Variants in UBA7 observed in about 807,000 individuals in gnomAD.
The protein encoded by UBA7 is ubiquitin like modifier activating enzyme 7, also known as ubiquitin-like modifier-activating enzyme 7.
Under a neutral mutation model 113.0 loss-of-function variants are expected in UBA7, and 88 were observed. The observed-to-expected ratio is 0.78, with a 90% CI of 0.66 to 0.93. The LOEUF (loss-of-function observed/expected upper bound fraction) is 0.93, where lower values mean the gene tolerates loss of function less well. UBA7 is among the 40% of genes least tolerant of loss of function. The pLI is 0.00. For synonymous variants in UBA7, 459 were observed against 513.0 expected (o/e 0.89, Z 1.42); for missense variants, 1,092 against 1,266.4 (o/e 0.86, Z 2.09).
chr3:49,805,652 A>C (rs997019089), intron 23 of UBA7, among the ~76,000 whole-genome samples: 1 of 152,042 alleles, frequency 6.6e-6, no homozygotes, highest in African/African-American at 2.4e-5. Context: ...TGGGCTGTGA[A>C]AGGGGGGCTG....
rs1459990870 is a variant in UBA7, at chr3:49,806,055, G to A, written c.2808+18C>T. 2.5e-6 allele frequency: 4 copies of A among 1,581,170 alleles called. No individual in the cohort carries two copies. In the Admixed American group the frequency reaches 5.5e-5, roughly 22 times the overall value. ...GGGCTGGGCTGAGCCTGGGGGTTGG[G>A]GTAGCAACAGGGCACACCTGAAGAT... is the stretch of plus-strand genomic sequence containing the variant. On this transcript the variant is annotated intron_variant, in intron 22 of 23. Transcript: ENST00000333486.
chr3:49,812,262 C>T (rs1372259159), intron 6 of UBA7, 56 bp from the exon 7 acceptor site: 1 of 1,610,976 alleles, frequency 6.2e-7, no homozygotes, highest in Non-Finnish European at 8.5e-7. Context: ...AGTTCCCACA[C>T]CCCATCCTAT....
rs781526631 is a variant in UBA7, at chr3:49,811,967, G to A, written c.842C>T (p.Ser281Phe). The A allele has an allele frequency of 6.2e-7, 1 of 1,614,210 alleles. No individual in the cohort carries two copies. Among genetic ancestry groups the A allele is most frequent in the East Asian group, 2.2e-5 (1 of 44,888 alleles). The change falls in exon 8 of 24, where the codon TCC (serine) becomes TTC (phenylalanine). Residue 281 changes from serine to phenylalanine, a missense_variant. Transcript: ENST00000333486. ...GCAGTGGGCATGGTGAACTTCCTGG[G>A]AGCTCTGGGCCACCACATGGGGCTG... ...LLQPHVVAQSSQEVHHAHCLH... is the reference protein window; with the variant it reads ...LLQPHVVAQSFQEVHHAHCLH...
rs1367467912 is a variant in UBA7, at chr3:49,812,694, G to A, written c.512C>T (p.Pro171Leu). 1 of 1,614,218 alleles carries A rather than the reference G, an allele frequency of 6.2e-7. No homozygotes were observed. Among genetic ancestry groups the A allele is most frequent in the South Asian group, 1.1e-5 (1 of 91,086 alleles). ...AGCTGTCAGGGGTTCTGCCTCTGTG[G>A]GGTCCTGCACAGTGAAGTCCTCACC... Reference protein sequence around the residue: ...DFGEDFTVQDPTEAEPLTAAI... With the variant: ...DFGEDFTVQDLTEAEPLTAAI... The change falls in exon 5 of 24, where the codon CCC becomes CTC. Residue 171 changes from proline to leucine, a missense_variant. Pro to Leu is a moderately conservative substitution (Grantham distance 98, BLOSUM62 -3). Transcript: ENST00000333486.
Position 49,810,164 on chromosome 3 carries a change from A to G in UBA7, c.1653T>C (p.Arg551=), listed in dbSNP as rs370509752. 3.3e-5 allele frequency: 54 copies of G among 1,613,038 alleles called. No homozygotes were observed. The highest frequency in any genetic ancestry group is 1.2e-4 in the African/African-American group (9 of 74,928). Residue 551 remains arginine, a synonymous_variant, in exon 14 of 24, where the codon CGT becomes CGC. Transcript: ENST00000333486. The surrounding 1 kb of genome is among the most constrained non-coding windows in gnomAD (Gnocchi z 5.6). ...GCAGTGGCTTCAGATAGTGGGTGCAACGAGCAGCCACATAGCGCCCTGGCA... is the reference window on the plus strand; with the variant it reads ...GCAGTGGCTTCAGATAGTGGGTGCAGCGAGCAGCCACATAGCGCCCTGGCA... The part of the protein sequence containing the change: ...SFQARRYVAA[R]CTHYLKPLLE...
In UBA7 at chr3:49,805,309, C is replaced by T. The variant is rs1175946690; in HGVS notation, c.3038G>A (p.Ter1013=). ...TAFPPLHYEL[*] The stretch of plus-strand genomic sequence containing the variant: ...CTAGGTGACAGGGTGGCTGCCTTGT[C>T]ACAGCTCATAGTGCAGAGGTGGGAA... The change falls in exon 24 of 24, where the codon TGA becomes TAA. Residue 1013 remains the stop codon, a stop_retained_variant. Transcript: ENST00000333486. The T allele has an allele frequency of 1.2e-6, 2 of 1,613,648 alleles. No homozygotes were observed. Among genetic ancestry groups the T allele is most frequent in the Admixed American group, 1.7e-5 (1 of 59,970 alleles).
intron 8 of UBA7, 192 bp from the exon 9 acceptor site, chr3:49,811,647 G>T: frequency 9.0e-7 from 1 of 1,106,016 alleles, no homozygotes; most frequent in Non-Finnish European, 1.3e-6. Context: ...AGTCCAGGAG[G>T]CTTCACTAAT....
intron 8 of UBA7, 148 bp from the exon 9 acceptor site, chr3:49,811,603 C>T (rs1034195862): frequency 6.5e-6 from 8 of 1,226,884 alleles, no homozygotes; most frequent in Non-Finnish European, 9.0e-6. Context: ...CCAGCCTGCA[C>T]AGCACCACCA....
Position 49,810,145 on chromosome 3 carries a change from G to A in UBA7, c.1672C>T (p.Pro558Ser). ...VAARCTHYLK[P>S]LLEAGTSGTW... ...CCCGATGTGCCTGCCTCCAGCAGTG[G>A]CTTCAGATAGTGGGTGCAACGAGCA... The change falls in exon 14 of 24, where the codon CCA becomes TCA. Residue 558 changes from proline to serine, a missense_variant. Physicochemically the swap from Pro to Ser is moderately conservative, Grantham distance 74. This residue lies in a region of UBA7 where 584 missense variants were observed against 714.5 expected (regional missense o/e 0.82). Transcript: ENST00000333486. This position sits in a 1 kb window ranked among gnomAD's most constrained non-coding sequence, Gnocchi z 5.6. 6.2e-7 allele frequency: 1 copy of A among 1,612,856 alleles called. No homozygotes were observed. Among genetic ancestry groups the A allele is most frequent in the Non-Finnish European group, 8.5e-7 (1 of 1,179,990 alleles).
At chr3:49,808,304 G>C in intron 19 of UBA7, 82 bp downstream of exon 19, 1 of 1,576,910 alleles carries the variant, frequency 6.3e-7, no homozygotes, top group South Asian at 1.1e-5. Context: ...CAGGCCAAGG[G>C]GCTCCAAAAC....
intron 21 of UBA7, 82 bp from the exon 22 acceptor site, chr3:49,806,247 G>A (rs1054402573): frequency 1.8e-5 from 20 of 1,112,082 alleles, no homozygotes; most frequent in African/African-American, 4.8e-5. Flanking sequence ...TTTCCTAGGG[G>A]AAGAGCTGGA....
In UBA7 at chr3:49,809,462, C is replaced by G. The variant is rs776219336; in HGVS notation, c.2091G>C (p.Val697=). The change falls in exon 17 of 24, where the codon GTG becomes GTC. Residue 697 remains valine, a splice_region_variant and synonymous_variant. Coordinates refer to ENST00000333486, the MANE Select transcript of UBA7 (RefSeq NM_003335.3). ...QLLRHFPPNK[V]LEDGTPFWSG... is the part of the protein sequence containing the mutation. ...ACCAGAAGGGAGTTCCATCCTCAAG[C>G]ACCTAGGTAGGTAAGTAGAAGCTGC... is the stretch of plus-strand genomic sequence containing the variant. 1 of 1,614,164 alleles carries G rather than the reference C, an allele frequency of 6.2e-7. No individual in the cohort carries two copies. Among genetic ancestry groups the G allele is most frequent in the East Asian group, 2.2e-5 (1 of 44,888 alleles).
At chr3:49,808,945 CAGCATG>C (rs2081497503) in intron 18 of UBA7, 25 bp downstream of exon 18, 1 of 1,605,402 alleles carries the variant, frequency 6.2e-7, no homozygotes, top group South Asian at 1.1e-5. Flanking sequence ...CTTTGAAAGA[CAGCATG>C]AGGGGCCAGG....
chr3:49,806,334 C>T (rs1038091245), intron 21 of UBA7, 169 bp from the exon 22 acceptor site: 12 of 631,508 alleles, frequency 1.9e-5, no homozygotes, highest in Admixed American at 2.9e-5. Flanking sequence ...GCCCCCTCCC[C>T]GTCCAGGCCG....
In UBA7 at chr3:49,813,332, C is replaced by G. The variant is rs1480921075; in HGVS notation, c.277G>C (p.Glu93Gln). The G allele has an allele frequency of 6.2e-7, 1 of 1,614,204 alleles. No individual in the cohort carries two copies. ...GCTCTGTTGAGCTGAGCCAAGAGCT[C>G]TTGAGAGGCCTCGGCTCTGCTCCTT... Reference protein sequence around the residue: ...LERSRAEASQELLAQLNRAVQ... With the variant: ...LERSRAEASQQLLAQLNRAVQ... Residue 93 changes from glutamate to glutamine, a missense_variant, in exon 3 of 24, where the codon GAG becomes CAG. By Grantham distance (29) the Glu-to-Gln change is conservative (BLOSUM62 2). Transcript: ENST00000333486.
chr3:49,806,565 T>G (rs1461290073), intron 21 of UBA7, among the ~76,000 whole-genome samples: 1 of 152,046 alleles, frequency 6.6e-6, no homozygotes, highest in Non-Finnish European at 1.5e-5. Context: ...GCCAGTGCCT[T>G]GGGCTACTCA....
intron 21 of UBA7, 94 bp from the exon 22 acceptor site, chr3:49,806,259 T>A: frequency 1.0e-6 from 1 of 977,408 alleles, no homozygotes; most frequent in Non-Finnish European, 1.5e-6. Flanking sequence ...AGAGCTGGAC[T>A]AGCAGGAAAC....
rs1353819841 is a variant in UBA7 at position 49,809,480 on chromosome 3, GA to G, written c.2089-17del. The G allele has an allele frequency of 6.2e-7, 1 of 1,614,108 alleles. No individual in the cohort carries two copies. Among genetic ancestry groups the G allele is most frequent in the Admixed American group, 1.7e-5 (1 of 60,016 alleles). On this transcript the variant is annotated splice_polypyrimidine_tract_variant and intron_variant, in intron 16 of 23. Coordinates refer to ENST00000333486, the MANE Select transcript of UBA7 (RefSeq NM_003335.3). ...CCTCAAGCACCTAGGTAGGTAAGTA[GA>G]AGCTGCTGGGCTCAGTCTGGTCCCC...
In UBA7 at chr3:49,811,969, G is replaced by A. The variant is rs748146400; in HGVS notation, c.840C>T (p.Ser280=). Reference sequence around the variant, plus strand: ...AGTGGGCATGGTGAACTTCCTGGGAGCTCTGGGCCACCACATGGGGCTGGA... The same window carrying A: ...AGTGGGCATGGTGAACTTCCTGGGAACTCTGGGCCACCACATGGGGCTGGA... ...ALLQPHVVAQ[S]SQEVHHAHCL... Residue 280 remains serine, a synonymous_variant, in exon 8 of 24, where the codon AGC becomes AGT. Transcript: ENST00000333486. The A allele has an allele frequency of 1.2e-6, 2 of 1,614,246 alleles. No individual in the cohort carries two copies. Among genetic ancestry groups the A allele is most frequent in the Non-Finnish European group, 1.7e-6 (2 of 1,180,056 alleles).
Sources: gnomAD v4.1 joint callset for allele counts (sites outside exome capture counted in the v4.1 genomes callset) on GRCh38, gnomAD v4.1.1 for gene constraint, gnomAD v4.1.1 regional missense constraint, Gnocchi (gnomAD v3.1) non-coding constraint, MANE v1.5 for transcripts, NCBI Gene and HGNC (gene_info 2026-07-23, HGNC 2026-07-21) for gene names.